Variants in MAPKAP1 observed in about 807,000 individuals in gnomAD.
MAPKAP1 encodes target of rapamycin complex 2 subunit MAPKAP1.
MAPKAP1 carries 20 observed loss-of-function variants against 65.7 expected under a neutral mutation model. That is an observed-to-expected ratio of 0.30 (90% CI 0.21 to 0.44). The LOEUF is 0.44. Among genes scored for constraint, MAPKAP1 ranks in the 20% least tolerant of loss-of-function variants. MAPKAP1 has a pLI of 1.00. For synonymous variants in MAPKAP1, 222 were observed against 244.3 expected (o/e 0.91, Z 0.85); for missense variants, 423 against 648.0 (o/e 0.65, Z 3.77).
Position 125,665,632 on chromosome 9 carries a change from C to A in MAPKAP1, c.349+4186G>T, listed in dbSNP as rs566044214. On this transcript the variant is annotated intron_variant, in intron 3 of 11. Coordinates refer to ENST00000265960, the MANE Select transcript of MAPKAP1 (RefSeq NM_001006617.3). ...AAACAGCCTTGTTGCTCAAAAAAAA[C>A]AAAAAACAAAAAACAAAAAAAAAAC... 2.6e-3 allele frequency among the ~76,000 whole-genome samples: 389 copies of A among 150,366 alleles called. 2 individuals are homozygous for A. Among genetic ancestry groups the A allele is most frequent in the African/African-American group, 8.5e-3 (351 of 41,144 alleles).
rs1564525845 is a variant in MAPKAP1 at position 125,480,974 on chromosome 9, G to GAAAAAA, written c.1207+3468_1207+3469insTTTTTT. Among the ~76,000 whole-genome samples, 3 of 97,628 alleles carry GAAAAAA rather than the reference G, an allele frequency of 3.1e-5. 1 individual carries two copies. Among genetic ancestry groups the GAAAAAA allele is most frequent in the African/African-American group, 8.3e-5 (2 of 24,076 alleles). 64.0% of individuals were successfully genotyped at this position (97,628 alleles called of 152,430 possible). ...GTGACAGAGCGAGACTCCGTTTCGGGGAAAAAAAAAAAAAAAAAAAAAAAA... is the reference window on the plus strand; with the variant it reads ...GTGACAGAGCGAGACTCCGTTTCGGGAAAAAAGAAAAAAAAAAAAAAAAAAAAAAAA... On this transcript the variant is annotated intron_variant, in intron 9 of 11. Coordinates refer to ENST00000265960, the MANE Select transcript of MAPKAP1 (RefSeq NM_001006617.3).
At chr9:125,693,564 T>C (rs984517666) in intron 1 of MAPKAP1, among the ~76,000 whole-genome samples, 4 of 149,486 alleles carry the variant, frequency 2.7e-5, no homozygotes, top group Admixed American at 2.7e-4. Flanking sequence ...CACACACATA[T>C]ATACATACAC....
chr9:125,572,774 G>A (rs1353790777), intron 5 of MAPKAP1: 1 of 152,144 alleles, frequency 6.6e-6, no homozygotes, highest in Non-Finnish European at 1.5e-5. Flanking sequence ...AGTTTACTTG[G>A]AATAACTTTA....
chr9:125,445,702 G>A (rs767575980), intron 10 of MAPKAP1, among the ~76,000 whole-genome samples: 5 of 152,252 alleles, frequency 3.3e-5, no homozygotes, highest in African/African-American at 7.2e-5. Flanking sequence ...AGAATAAGAT[G>A]AGGGGCTTTG....
In MAPKAP1 at chr9:125,672,384, T is replaced by A. The variant is rs775197177; in HGVS notation, c.191A>T (p.Tyr64Phe). 1 of 1,613,970 alleles carries A rather than the reference T, an allele frequency of 6.2e-7. No individual in the cohort carries two copies. The highest frequency in any genetic ancestry group is 8.5e-7 in the Non-Finnish European group (1 of 1,179,800). The change falls in exon 2 of 12, where the codon TAT becomes TTT. Residue 64 changes from tyrosine (Y) to phenylalanine (F), a missense_variant. Tyr to Phe is a conservative substitution (Grantham distance 22). Around this residue, in one of 6 missense-constraint regions of MAPKAP1, gnomAD observed 58 missense variants for 56.9 expected, o/e 1.02. Coordinates refer to ENST00000265960, the MANE Select transcript of MAPKAP1 (RefSeq NM_001006617.3). ...IQGSNGETQG[Y>F]VYAQSVDITS... ...AATATCGACTGACTGGGCATATACATAGCCCTGAGTCTCACCATTGCTTCC... is the reference window on the plus strand; with the variant it reads ...AATATCGACTGACTGGGCATATACAAAGCCCTGAGTCTCACCATTGCTTCC...
In MAPKAP1 at chr9:125,647,808, G is replaced by A. The variant is rs564414428; in HGVS notation, c.498+9843C>T. ...TGGGTGCCTAGTAAATGATGTATTC[G>A]ATGGATAGAGATGTGTGAACGAATC... On this transcript the variant is annotated intron_variant, in intron 4 of 11. Coordinates refer to ENST00000265960, the MANE Select transcript of MAPKAP1 (RefSeq NM_001006617.3). Among the ~76,000 whole-genome samples, 9 of 152,222 alleles carry A rather than the reference G, an allele frequency of 5.9e-5. No homozygotes were observed. In the South Asian group the frequency reaches 1.2e-3, roughly 21 times the overall value.
chr9:125,614,623 C>G (rs1014088253), intron 4 of MAPKAP1, among the ~76,000 whole-genome samples: 6 of 151,938 alleles, frequency 3.9e-5, no homozygotes, highest in African/African-American at 9.7e-5. Flanking sequence ...GAGACTCCGT[C>G]TCAAAATATA....
intron 4 of MAPKAP1, among the ~76,000 whole-genome samples, chr9:125,602,783 A>AGAGCTGTTCGTTAAGT: frequency 6.6e-6 from 1 of 152,250 alleles, no homozygotes; most frequent in African/African-American, 2.4e-5. Flanking sequence ...ATTCCCTCTT[A>AGAGCTGTTCGTTAAGT]GAGCTGTTCG....
rs576298928 is a variant in MAPKAP1 at position 125,693,640 on chromosome 9, C to T, written c.-70+13331G>A. On this transcript the variant is annotated intron_variant, in intron 1 of 11. Transcript: ENST00000265960. ...ACACACATATATACACATATACACA[C>T]ACATATACACGTATACATACACACA... Among the ~76,000 whole-genome samples the T allele has an allele frequency of 1.1e-3, 164 of 143,404 alleles. 2 individuals are homozygous for T. The highest frequency in any genetic ancestry group is 4.4e-3 in the African/African-American group (150 of 34,238). The allele number at this position is 143,404 out of a possible 152,430, so 94.1% of individuals were successfully genotyped here.
chr9:125,633,509 C>G (rs1246427608), intron 4 of MAPKAP1, among the ~76,000 whole-genome samples: 1 of 152,190 alleles, frequency 6.6e-6, no homozygotes, highest in Non-Finnish European at 1.5e-5. Flanking sequence ...AATGGCCAAT[C>G]TAGTTTCTCC....
intron 5 of MAPKAP1, among the ~76,000 whole-genome samples, chr9:125,568,480 T>C (rs1831129616): frequency 6.6e-6 from 1 of 152,336 alleles, no homozygotes; most frequent in African/African-American, 2.4e-5. Context: ...CTGACCTTCC[T>C]AAGCTCTTCA....
At chr9:125,688,007 T>C (rs1835036120) in intron 1 of MAPKAP1, among the ~76,000 whole-genome samples, 1 of 152,226 alleles carries the variant, frequency 6.6e-6, no homozygotes, top group Non-Finnish European at 1.5e-5. Flanking sequence ...TGACTTTGAA[T>C]GGTGCTTTGT....
chr9:125,480,544 T>C (rs1854269172), intron 9 of MAPKAP1, among the ~76,000 whole-genome samples: 1 of 152,176 alleles, frequency 6.6e-6, no homozygotes, highest in Non-Finnish European at 1.5e-5. Context: ...AAGTGGAACT[T>C]TGCCAGGAGA....
intron 7 of MAPKAP1, among the ~76,000 whole-genome samples, chr9:125,530,866 G>A (rs186674299): frequency 1.6e-4 from 25 of 152,366 alleles, no homozygotes; most frequent in South Asian, 6.2e-4. Flanking sequence ...GTTTTATGGC[G>A]TGCCTGGCAT....
At chr9:125,585,827 G>A (rs1831767008) in intron 4 of MAPKAP1, 100 bp from the exon 5 acceptor site, 3 of 1,158,076 alleles carry the variant, frequency 2.6e-6, no homozygotes, top group Non-Finnish European at 2.5e-6. Context: ...TTTCATCCTT[G>A]CTCTACAGAC....
chr9:125,706,098 T>C (rs953853011), intron 1 of MAPKAP1, among the ~76,000 whole-genome samples: 6 of 152,122 alleles, frequency 3.9e-5, no homozygotes, highest in South Asian at 2.1e-4. Context: ...AAAACAATTA[T>C]TGCTTCATCA....
chr9:125,528,098 T>C (rs968526291), intron 7 of MAPKAP1, among the ~76,000 whole-genome samples: 9 of 152,212 alleles, frequency 5.9e-5, no homozygotes, highest in Non-Finnish European at 1.3e-4. Context: ...ATAAGGAACC[T>C]ACCTCTCCAA....
At chr9:125,476,779 T>C (rs1854125938) in intron 9 of MAPKAP1, among the ~76,000 whole-genome samples, 1 of 152,204 alleles carries the variant, frequency 6.6e-6, no homozygotes, top group Non-Finnish European at 1.5e-5. Context: ...GGTTAAATAA[T>C]AACTGCGGTA....
chr9:125,623,008 G>C (rs962118381), intron 4 of MAPKAP1, among the ~76,000 whole-genome samples: 3 of 151,890 alleles, frequency 2.0e-5, no homozygotes, highest in African/African-American at 7.2e-5. Flanking sequence ...GTGTTGGCCG[G>C]GCCGGTCTCC....
Sources: gnomAD v4.1 joint callset for allele counts (sites outside exome capture counted in the v4.1 genomes callset) on GRCh38, gnomAD v4.1.1 for gene constraint, gnomAD v4.1.1 regional missense constraint, MANE v1.5 for transcripts, NCBI Gene and HGNC (gene_info 2026-07-23, HGNC 2026-07-21) for gene names.